The following EP400 variants were observed in gnomAD, a reference collection of about 807,000 sequenced individuals.
EP400 encodes the protein E1A-binding protein p400.
In EP400, 105 loss-of-function variants were observed where a neutral mutation model predicts 354.1. That is an observed-to-expected ratio of 0.30 (90% confidence interval 0.25 to 0.35). The LOEUF (loss-of-function observed/expected upper bound fraction) is 0.35. Among genes scored for constraint, EP400 ranks in the 10% least tolerant of loss-of-function variants. The pLI is 1.00. For synonymous variants in EP400, 1,646 were observed against 1,716.9 expected, an observed-to-expected ratio of 0.96 and a Z score of 1.02; for missense variants, 3,280 against 4,121.0, an observed-to-expected ratio of 0.80 and a Z score of 5.59.
At chr12:132,040,162 A>T (rs1412533967) in intron 32 of EP400, among the ~76,000 whole-genome samples, 2 of 152,310 alleles carry the variant, frequency 1.3e-5, no homozygotes, top group Non-Finnish European at 2.9e-5. Context: ...TAAAAACCAC[A>T]GGAGGTACCA....
chr12:132,031,292 G>T (rs1198700221), intron 29 of EP400: 4 of 519,046 alleles, frequency 7.7e-6, no homozygotes, highest in African/African-American at 3.9e-5. Context: ...GAGGATAGAT[G>T]AGAAAGCACA....
chr12:131,967,695 G>C (rs796576754), intron 2 of EP400, among the ~76,000 whole-genome samples: 1 of 131,300 alleles, frequency 7.6e-6, no homozygotes, highest in Non-Finnish European at 1.7e-5. Context: ...GTCTCAAAAA[G>C]AAAAAAAAAA....
chr12:132,056,406 C>A (rs1225397562), intron 45 of EP400, among the ~76,000 whole-genome samples: 1 of 150,228 alleles, frequency 6.7e-6, no homozygotes, highest in Non-Finnish European at 1.5e-5. Flanking sequence ...GAAATAGACC[C>A]CTCCCCAACA....
In EP400 at chr12:132,034,462, A is replaced by G. The variant is rs184198186; in HGVS notation, c.5951+2313A>G. Among the ~76,000 whole-genome samples the G allele has an allele frequency of 2.2e-3, 328 of 152,344 alleles. 3 individuals are homozygous for G. The highest frequency in any genetic ancestry group is 7.4e-3 in the African/African-American group (307 of 41,570). ...CGCTCCTCATGGGTGTGAAGGTTCT[A>G]TGCGTGCACACACACGGTTGGGTAA... On this transcript the variant is annotated intron_variant, in intron 30 of 52. Coordinates refer to ENST00000389561, the MANE Select transcript of EP400 (RefSeq NM_015409.5).
Position 132,067,833 on chromosome 12 carries a change from G to A in EP400, c.8874+347G>A, listed in dbSNP as rs1593388054. Among the ~76,000 whole-genome samples, 1 of 152,098 alleles carries A rather than the reference G, an allele frequency of 6.6e-6. No individual in the cohort carries two copies. Among genetic ancestry groups the A allele is most frequent in the Non-Finnish European group, 1.5e-5 (1 of 68,014 alleles). ...GGCCAGTGGGCTCAGGGAAGCAGAC[G>A]CAGCTCACACCACAGGACCCGCCTG... On this transcript the variant is annotated intron_variant, in intron 50 of 52. Transcript: ENST00000389561. The surrounding 1 kb of genome is among the most constrained non-coding windows in gnomAD (Gnocchi z 5.3).
intron 39 of EP400, among the ~76,000 whole-genome samples, chr12:132,048,020 C>T (rs564306419): frequency 3.4e-4 from 52 of 152,354 alleles, no homozygotes; most frequent in African/African-American, 1.2e-3. Flanking sequence ...CCTGGCTCAC[C>T]GGCAGTCAGA....
Position 132,055,100 on chromosome 12 carries a change from T to C in EP400, c.7776T>C (p.Gly2592=). 1.2e-6 allele frequency: 2 copies of C among 1,613,744 alleles called. No homozygotes were observed. Among genetic ancestry groups the C allele is most frequent in the Non-Finnish European group, 1.7e-6 (2 of 1,179,850 alleles). Residue 2592 remains glycine, a splice_region_variant and synonymous_variant, in exon 45 of 53, where the codon GGT becomes GGC. Transcript: ENST00000389561. ...CCTTATGCCCGCCTGTCTCCGCAGG[T>C]GCCGTGAGTGGAAATGTGATCGTGA... The part of the protein sequence containing the change: ...TSVTGTSMPT[G]AVSGNVIVNT...
chr12:132,077,901 C>T lies in EP400; in HGVS notation c.*228C>T. ...ACTACGTGGCTCATGGAAAAAGTGACAACATGGCTTCCTCTAAATCATTTC... is the reference window on the plus strand; with the variant it reads ...ACTACGTGGCTCATGGAAAAAGTGATAACATGGCTTCCTCTAAATCATTTC... On this transcript the variant is annotated 3_prime_UTR_variant, in exon 53 of 53. Coordinates refer to ENST00000389561, the MANE Select transcript of EP400 (RefSeq NM_015409.5). 1 of 583,510 alleles carries T rather than the reference C, an allele frequency of 1.7e-6. No homozygotes were observed. The highest frequency in any genetic ancestry group is 2.9e-6 in the Non-Finnish European group (1 of 341,660). 36.1% of individuals were successfully genotyped at this position (583,510 alleles called of 1,614,324 possible).
In EP400 at chr12:132,062,581, G is replaced by GCAGCAGCAGCAA. The variant is rs765799011; in HGVS notation, c.8226_8237dup (p.Gln2745_Gln2748dup). ...AGCAGCAGCAGCAGCAGCAGCAGCA[G>GCAGCAGCAGCAA]CAGCAGCAGCAACAGCAGCAGCAGC... On this transcript the variant is annotated inframe_insertion, in exon 47 of 53. Transcript: ENST00000389561. 2 of 1,606,988 alleles carry GCAGCAGCAGCAA rather than the reference G, an allele frequency of 1.2e-6. No homozygotes were observed. The highest frequency in any genetic ancestry group is 2.7e-5 in the African/African-American group (2 of 74,354).
chr12:132,071,047 T>C (rs538441613), intron 51 of EP400, among the ~76,000 whole-genome samples: 32 of 152,368 alleles, frequency 2.1e-4, no homozygotes, highest in Admixed American at 1.5e-3. Flanking sequence ...CCTGCCTTAC[T>C]GTGCTGGCTG....
intron 45 of EP400, 88 bp downstream of exon 45, chr12:132,055,296 A>G (rs1895447981): frequency 9.1e-7 from 1 of 1,104,472 alleles, no homozygotes; most frequent in Non-Finnish European, 1.3e-6. Context: ...CTTCTTTTTA[A>G]GTATTCCATT....
intron 35 of EP400, 43 bp downstream of exon 35, chr12:132,044,354 A>C (rs1325349175): frequency 6.3e-7 from 1 of 1,591,750 alleles, no homozygotes; most frequent in Non-Finnish European, 8.6e-7. Flanking sequence ...CCCCCTGCTG[A>C]GGGGCACTTG....
At position 132,070,180 on chromosome 12, in the gene EP400, ACC is replaced by A. The variant is rs1458827227; in HGVS notation, c.9021+541_9021+542del. ...GTGGTACCTTCTTAGCTGGTCTTCC[ACC>A]CTCCTGGAGTTGGTTTTTGGGTATG... On this transcript the variant is annotated intron_variant, in intron 51 of 52. Coordinates refer to ENST00000389561, the MANE Select transcript of EP400 (RefSeq NM_015409.5). This position sits in a 1 kb window ranked among gnomAD's most constrained non-coding sequence, Gnocchi z 4.1. 2.0e-5 allele frequency among the ~76,000 whole-genome samples: 3 copies of A among 151,656 alleles called. No individual in the cohort carries two copies. Among genetic ancestry groups the A allele is most frequent in the African/African-American group, 7.3e-5 (3 of 41,228 alleles).
chr12:132,003,101 C>T (rs1893471043), intron 12 of EP400, among the ~76,000 whole-genome samples: 1 of 150,228 alleles, frequency 6.7e-6, no homozygotes, highest in Non-Finnish European at 1.5e-5. Context: ...ATCCTGGCTG[C>T]TTGGGAGACT....
At chr12:132,023,558 T>G (rs1473505426) in intron 23 of EP400, among the ~76,000 whole-genome samples, 1 of 152,134 alleles carries the variant, frequency 6.6e-6, no homozygotes, top group African/African-American at 2.4e-5. Flanking sequence ...CCAATTATGG[T>G]TAAGTAAAGT....
At chr12:132,047,425 G>C (rs1180798864) in intron 39 of EP400, among the ~76,000 whole-genome samples, 1 of 150,046 alleles carries the variant, frequency 6.7e-6, no homozygotes, top group African/African-American at 2.4e-5. Context: ...GGTCTGAGAA[G>C]TAAAGGGAAA....
Position 132,027,611 on chromosome 12 carries a change from T to C in EP400, c.5109+80T>C. ...CTGCTCGTTGTGTTTGGTTGTGATA[T>C]TTAAAGGCTCCTGTGAATTCTCAAG... is the stretch of plus-strand genomic sequence containing the variant. On this transcript the variant is annotated intron_variant, in intron 26 of 52. Coordinates refer to ENST00000389561, the MANE Select transcript of EP400 (RefSeq NM_015409.5). This position sits in a 1 kb window ranked among gnomAD's most constrained non-coding sequence, Gnocchi z 4.9. 1 of 1,158,238 alleles carries C rather than the reference T, an allele frequency of 8.6e-7. No homozygotes were observed. The highest frequency in any genetic ancestry group is 1.2e-6 in the Non-Finnish European group (1 of 824,474). The allele number at this position is 1,158,238 out of a possible 1,614,324, so 71.7% of individuals were successfully genotyped here. A position where few individuals can be genotyped will look rare whatever the true frequency, so the allele number is the denominator to read the frequency against.
rs1171113696 is a variant in EP400 at position 132,078,467 on chromosome 12, G to A, written c.*794G>A. On this transcript the variant is annotated 3_prime_UTR_variant, in exon 53 of 53. Transcript: ENST00000389561. The stretch of plus-strand genomic sequence containing the variant: ...CACTCAAGACGCATCTCCAGTTTTC[G>A]GGGGAAGCTGGTATTTGACATAGTG... 6.6e-6 allele frequency: 1 copy of A among 152,274 alleles called. No homozygotes were observed. Among genetic ancestry groups the A allele is most frequent in the Admixed American group, 6.5e-5 (1 of 15,288 alleles). The allele number at this position is 152,274 out of a possible 1,614,324, so 9.4% of individuals were successfully genotyped here. A position where few individuals can be genotyped will look rare whatever the true frequency, so the allele number is the denominator to read the frequency against.
intron 16 of EP400, 87 bp downstream of exon 16, chr12:132,011,721 C>G (rs1893772892): frequency 7.1e-7 from 1 of 1,413,946 alleles, no homozygotes; most frequent in African/African-American, 1.5e-5. Context: ...TGAAGACATG[C>G]TTATTCATGG....
Sources: allele counts gnomAD v4.1 joint callset (sites outside exome capture counted in the v4.1 genomes callset), GRCh38; gene constraint gnomAD v4.1.1; non-coding constraint Gnocchi (gnomAD v3.1); transcripts MANE v1.5; gene names NCBI Gene and HGNC (gene_info 2026-07-23, HGNC 2026-07-21).